MYO6: variants seen among roughly 807,000 people sequenced by gnomAD.
MYO6 encodes unconventional myosin-VI.
A neutral mutation model predicts 178.7 loss-of-function variants in MYO6; 74 were observed. The observed-to-expected ratio is 0.41, with a 90% CI of 0.34 to 0.50. The LOEUF (loss-of-function observed/expected upper bound fraction) is 0.50, where lower values mean the gene tolerates loss of function less well. Among genes scored for constraint, MYO6 ranks in the 20% least tolerant of loss-of-function variants. The probability of loss-of-function intolerance (pLI) is 0.09; values close to 1 mark genes in which losing one functional copy is unlikely to be tolerated. For missense variants in MYO6, 1,330 were observed against 1,547.4 expected (o/e 0.86, Z 2.36); for synonymous variants, 477 against 504.6 (o/e 0.95, Z 0.73).
intron 1 of MYO6, among the ~76,000 whole-genome samples, chr6:75,775,713 A>G (rs1273053259): frequency 1.3e-5 from 2 of 152,044 alleles, no homozygotes; most frequent in Non-Finnish European, 2.9e-5. Context: ...TTATTTTGTT[A>G]TTGTTTAACA....
chr6:75,834,298 T>TCA (rs1039098595), intron 6 of MYO6, among the ~76,000 whole-genome samples: 4 of 152,022 alleles, frequency 2.6e-5, no homozygotes, highest in Non-Finnish European at 5.9e-5. Context: ...AGTGGTGCAA[T>TCA]CATAGCTCAC....
chr6:75,769,211 C>A (rs1489751868), intron 1 of MYO6, among the ~76,000 whole-genome samples: 1 of 152,200 alleles, frequency 6.6e-6, no homozygotes, highest in Non-Finnish European at 1.5e-5. Flanking sequence ...CAAACCATAT[C>A]TTTCCACCAA....
chr6:75,780,642 A>C (rs1766878918), intron 1 of MYO6, among the ~76,000 whole-genome samples: 1 of 152,064 alleles, frequency 6.6e-6, no homozygotes, highest in Admixed American at 6.5e-5. Context: ...CTGAACATAG[A>C]GCTATGTTTA....
intron 1 of MYO6, among the ~76,000 whole-genome samples, chr6:75,788,573 A>C (rs1326010726): frequency 1.3e-5 from 2 of 152,068 alleles, no homozygotes; most frequent in East Asian, 3.8e-4. Context: ...GATGGTGGGG[A>C]TATCCGATTC....
chr6:75,914,377 C>T, intron 34 of MYO6, 96 bp downstream of exon 34: 1 of 1,263,010 alleles, frequency 7.9e-7, no homozygotes, highest in African/African-American at 1.5e-5. Context: ...TAATTTATTA[C>T]ATTTCAGGGT....
chr6:75,844,203 A>G (rs1774512902), intron 9 of MYO6, among the ~76,000 whole-genome samples: 1 of 152,200 alleles, frequency 6.6e-6, no homozygotes, highest in South Asian at 2.1e-4. Context: ...AATAAATGGG[A>G]GCAGTAGATT....
intron 23 of MYO6, 29 bp from the exon 24 acceptor site, chr6:75,885,975 C>A (rs998397060): frequency 1.7e-5 from 22 of 1,327,586 alleles, no homozygotes; most frequent in Non-Finnish European, 2.4e-5. Flanking sequence ...GAATAATTTT[C>A]TATCATTTTA....
intron 25 of MYO6, among the ~76,000 whole-genome samples, chr6:75,888,962 T>C (rs1208248966): frequency 6.6e-6 from 1 of 152,244 alleles, no homozygotes; most frequent in African/African-American, 2.4e-5. Flanking sequence ...CTTTTCTATA[T>C]GCTTGTTAAT....
intron 33 of MYO6, among the ~76,000 whole-genome samples, chr6:75,912,535 T>C (rs1429730408): frequency 6.6e-6 from 1 of 152,100 alleles, no homozygotes; most frequent in Non-Finnish European, 1.5e-5. Flanking sequence ...AGACTTTCTA[T>C]TTAGTTTCTG....
chr6:75,805,021 A>ATATATATTTTTT (rs1252912172), intron 1 of MYO6, among the ~76,000 whole-genome samples: 63 of 77,282 alleles, frequency 8.2e-4, no homozygotes, highest in African/African-American at 3.4e-3. Flanking sequence ...ATATATATAT[A>ATATATATTTTTT]TTTTTTTTTT....
At chr6:75,775,160 C>G (rs1448203141) in intron 1 of MYO6, among the ~76,000 whole-genome samples, 2 of 152,056 alleles carry the variant, frequency 1.3e-5, no homozygotes, top group African/African-American at 2.4e-5. Context: ...AAGAAGGTGC[C>G]GTTTTTGCAG....
At position 75,862,554 on chromosome 6, in the gene MYO6, A is replaced by G. The variant is rs1776291989; in HGVS notation, c.1547-42A>G. The G allele has an allele frequency of 5.2e-6, 8 of 1,547,354 alleles. No homozygotes were observed. In the African/African-American group the frequency reaches 1.1e-4, roughly 21 times the overall value. On this transcript the variant is annotated intron_variant, in intron 15 of 34. Transcript: ENST00000369977. The stretch of plus-strand genomic sequence containing the variant: ...ATTGTTCACATATCTTTAAAATGTT[A>G]TGTTTTTACACTATTGTGAGTGTTT...
chr6:75,856,455 C>G (rs117256813), intron 12 of MYO6, among the ~76,000 whole-genome samples: 2 of 151,314 alleles, frequency 1.3e-5, no homozygotes, highest in African/African-American at 4.8e-5. Flanking sequence ...ATCTGAATGA[C>G]TTATAATTCT....
chr6:75,882,360 A>C (rs1328931300), intron 23 of MYO6, among the ~76,000 whole-genome samples: 2 of 152,214 alleles, frequency 1.3e-5, no homozygotes, highest in East Asian at 1.9e-4. Context: ...TCTTAGAGAT[A>C]TCTCTCTAAA....
intron 19 of MYO6, among the ~76,000 whole-genome samples, chr6:75,872,399 A>G (rs2149325984): frequency 6.6e-6 from 1 of 152,300 alleles, no homozygotes; most frequent in East Asian, 1.9e-4. Context: ...AAAATGTACA[A>G]CAGTGCAGCT....
At chr6:75,785,107 A>G (rs966931549) in intron 1 of MYO6, among the ~76,000 whole-genome samples, 1 of 152,196 alleles carries the variant, frequency 6.6e-6, no homozygotes, top group Admixed American at 6.5e-5. Context: ...CATCAACTGT[A>G]TGCCAGGCTC....
intron 1 of MYO6, among the ~76,000 whole-genome samples, chr6:75,809,202 G>T (rs1293937244): frequency 6.6e-6 from 1 of 152,202 alleles, no homozygotes; most frequent in Non-Finnish European, 1.5e-5. Flanking sequence ...AGGCAGGCCT[G>T]CCTGACATAG....
intron 3 of MYO6, among the ~76,000 whole-genome samples, chr6:75,824,762 A>ATTT (rs35925414): frequency 1.5e-4 from 22 of 142,052 alleles, no homozygotes; most frequent in African/African-American, 4.2e-4. Flanking sequence ...TTCGGTCTAA[A>ATTT]TTTTTTTTTT....
intron 20 of MYO6, among the ~76,000 whole-genome samples, chr6:75,879,361 C>CTGAGT (rs539913566): frequency 1.5e-3 from 235 of 152,146 alleles, no homozygotes; most frequent in Non-Finnish European, 2.7e-3. Flanking sequence ...CCTCCTGTCT[C>CTGAGT]AGCCCCCTGA....
Sources: gnomAD v4.1 joint callset for allele counts (sites outside exome capture counted in the v4.1 genomes callset) on GRCh38, gnomAD v4.1.1 for gene constraint, MANE v1.5 for transcripts, NCBI Gene and HGNC (gene_info 2026-07-23, HGNC 2026-07-21) for gene names.